Variants in KMT2C observed in about 807,000 individuals in gnomAD.
The protein encoded by KMT2C is lysine methyltransferase 2C, also known as histone-lysine N-methyltransferase 2C.
In KMT2C, 88 loss-of-function variants were observed where a neutral mutation model predicts 507.9. That is an observed-to-expected ratio of 0.17 (90% CI 0.15 to 0.21). The LOEUF (loss-of-function observed/expected upper bound fraction) is 0.21, where lower values mean the gene tolerates loss of function less well. Ranked by LOEUF, KMT2C falls within the 10% of genes least tolerant of loss-of-function variation. The pLI is 1.00. For missense variants in KMT2C, 4,954 were observed against 5,957.8 expected (o/e 0.83, Z 5.55); for synonymous variants, 2,049 against 2,080.8 (o/e 0.98, Z 0.42).
intron 3 of KMT2C, among the ~76,000 whole-genome samples, chr7:152,323,566 G>T (rs976251367): frequency 6.6e-6 from 1 of 150,710 alleles, no homozygotes; most frequent in African/African-American, 2.4e-5. Context: ...CTGAGCCCAG[G>T]AAGTTGAGAC....
chr7:152,364,934 GACACAC>G (rs71198778), intron 1 of KMT2C, among the ~76,000 whole-genome samples: 204 of 138,156 alleles, frequency 1.5e-3, no homozygotes, highest in Middle Eastern at 7.2e-3. Flanking sequence ...GAAACAGACA[GACACAC>G]ACACACACAC....
chr7:152,243,793 A>T (rs1205760119), intron 14 of KMT2C, among the ~76,000 whole-genome samples: 1 of 152,126 alleles, frequency 6.6e-6, no homozygotes, highest in African/African-American at 2.4e-5. Context: ...AAATAAACAG[A>T]TAAATAAGTA....
At chr7:152,285,615 C>G (rs1458072730) in intron 6 of KMT2C, among the ~76,000 whole-genome samples, 9 of 152,130 alleles carry the variant, frequency 5.9e-5, no homozygotes, top group South Asian at 4.1e-4. Flanking sequence ...TGTAAATAAC[C>G]AAAAACTGGC....
intron 2 of KMT2C, among the ~76,000 whole-genome samples, chr7:152,349,640 G>A (rs1048331386): frequency 3.3e-5 from 5 of 151,912 alleles, no homozygotes; most frequent in African/African-American, 4.8e-5. Flanking sequence ...AAGGAGGGAG[G>A]GAGCAAGGAG....
intron 1 of KMT2C, among the ~76,000 whole-genome samples, chr7:152,414,254 G>A (rs2097711515): frequency 6.7e-6 from 1 of 148,814 alleles, no homozygotes; most frequent in Non-Finnish European, 1.5e-5. Flanking sequence ...GCTGGGTGTG[G>A]TGGCTGGCTC....
chr7:152,274,151 A>AT (rs561728180), intron 6 of KMT2C, among the ~76,000 whole-genome samples: 6,735 of 147,248 alleles, frequency 0.046, 224 homozygotes, highest in South Asian at 0.093. Flanking sequence ...AAACCTAAAG[A>AT]TTTTTTTTTA....
At chr7:152,309,401 G>A (rs1199231879) in intron 6 of KMT2C, among the ~76,000 whole-genome samples, 1 of 144,620 alleles carries the variant, frequency 6.9e-6, no homozygotes, top group Non-Finnish European at 1.5e-5. Context: ...ATGGCTCACT[G>A]CAACCTCAAT....
intron 6 of KMT2C, among the ~76,000 whole-genome samples, chr7:152,309,546 G>A (rs1563811932): frequency 8.1e-6 from 1 of 124,144 alleles, no homozygotes; most frequent in Admixed American, 9.6e-5. Context: ...ATTAAACGGA[G>A]TCTCTCTCTG....
chr7:152,274,704 G>A (rs1375597499), intron 6 of KMT2C, among the ~76,000 whole-genome samples: 1 of 152,146 alleles, frequency 6.6e-6, no homozygotes, highest in African/African-American at 2.4e-5. Flanking sequence ...GTACTATACA[G>A]TATGACATCT....
At chr7:152,221,165 G>A (rs1465477912) in intron 22 of KMT2C, among the ~76,000 whole-genome samples, 2 of 152,220 alleles carry the variant, frequency 1.3e-5, no homozygotes, top group Non-Finnish European at 2.9e-5. Context: ...GCTGAGGCAG[G>A]AGAATCGCTT....
At chr7:152,139,313 G>T in intron 56 of KMT2C, 54 bp from the exon 57 acceptor site, 1 of 1,523,192 alleles carries the variant, frequency 6.6e-7, no homozygotes, top group Non-Finnish European at 9.1e-7. Flanking sequence ...ACTCCCCTCT[G>T]TGTTCCTATC....
chr7:152,161,104 T>TG (rs2092432669), intron 43 of KMT2C, among the ~76,000 whole-genome samples: 2 of 152,296 alleles, frequency 1.3e-5, no homozygotes, highest in African/African-American at 4.8e-5. Context: ...TAAGATGTCT[T>TG]GGAGAAAGTG....
chr7:152,218,408 C>A (rs997965895), intron 23 of KMT2C, among the ~76,000 whole-genome samples: 5 of 152,102 alleles, frequency 3.3e-5, no homozygotes, highest in Admixed American at 2.6e-4. Flanking sequence ...AGGTGATCCA[C>A]CCGCCTTGGC....
At chr7:152,297,055 CAGAGAGAGAGAGAGAGAG>C (rs769381866) in intron 6 of KMT2C, among the ~76,000 whole-genome samples, 7 of 84,406 alleles carry the variant, frequency 8.3e-5, no homozygotes, top group African/African-American at 3.3e-4. Context: ...GAAAGAAAGA[CAGAGAGAGAGAGAGAGAG>C]AGAGAGAGAG....
intron 25 of KMT2C, 54 bp downstream of exon 25, chr7:152,205,051 TC>T: frequency 8.6e-7 from 1 of 1,160,438 alleles, no homozygotes. Context: ...AATAGAAATA[TC>T]AAGACCAAAG....
In KMT2C at chr7:152,176,852, C is replaced by G. The variant is rs1475341096; in HGVS notation, c.8601G>C (p.Lys2867Asn). ...CTGGATCACAAGGATGCAAAGAAGT[C>G]TTTTCTCCATCATTTAGGTCTGAGT... ...SAHSDLNDGE[K>N]TSLHPCDPDL... Residue 2867 changes from lysine to asparagine, a missense_variant, in exon 38 of 59, where the codon AAG (lysine) becomes AAC (asparagine). Coordinates refer to ENST00000262189, the MANE Select transcript of KMT2C (RefSeq NM_170606.3). 4 of 1,614,188 alleles carry G rather than the reference C, an allele frequency of 2.5e-6. No individual in the cohort carries two copies. The South Asian group carries it at 4.4e-5, about 18-fold the overall frequency.
intron 1 of KMT2C, among the ~76,000 whole-genome samples, chr7:152,427,544 T>C (rs894506888): frequency 6.6e-5 from 10 of 152,338 alleles, no homozygotes; most frequent in South Asian, 2.1e-4. Flanking sequence ...TGGTAGTCCA[T>C]TGATGCATAT....
intron 1 of KMT2C, among the ~76,000 whole-genome samples, chr7:152,383,667 G>T (rs1004681660): frequency 6.6e-6 from 1 of 152,080 alleles, no homozygotes; most frequent in Admixed American, 6.5e-5. Flanking sequence ...GATGCAGACT[G>T]TTTAGGTTCA....
intron 1 of KMT2C, among the ~76,000 whole-genome samples, chr7:152,400,077 G>C (rs914012903): frequency 6.6e-6 from 1 of 152,038 alleles, no homozygotes; most frequent in African/African-American, 2.4e-5. Context: ...GGGAGGCCGA[G>C]ATGGGCGGAT....
Sources: gnomAD v4.1 joint callset for allele counts (sites outside exome capture counted in the v4.1 genomes callset) on GRCh38, gnomAD v4.1.1 for gene constraint, MANE v1.5 for transcripts, NCBI Gene and HGNC (gene_info 2026-07-23, HGNC 2026-07-21) for gene names.